Variants in EPRS1 observed in about 807,000 individuals in gnomAD.
EPRS1 encodes glutamyl-prolyl-tRNA synthetase 1, also known as bifunctional glutamate/proline--tRNA ligase.
EPRS1 carries 107 observed loss-of-function variants against 188.3 expected under a neutral mutation model. That is an observed-to-expected ratio of 0.57 (90% confidence interval 0.49 to 0.67). EPRS1 has a LOEUF of 0.67. EPRS1 is among the 30% of genes least tolerant of loss of function. The pLI is 0.00. For synonymous variants in EPRS1, 596 were observed against 593.1 expected (o/e 1.00, Z -0.07); for missense variants, 1,577 against 1,802.2 (o/e 0.88, Z 2.26).
At chr1:220,040,850 T>TAAA (rs61548054) in intron 1 of EPRS1, among the ~76,000 whole-genome samples, 1 of 141,042 alleles carries the variant, frequency 7.1e-6, no homozygotes, top group Non-Finnish European at 1.5e-5. Flanking sequence ...AACTGCGTCT[T>TAAA]AAAAAAAAAA....
At chr1:219,993,179 T>A (rs915497419) in intron 18 of EPRS1, among the ~76,000 whole-genome samples, 7 of 135,860 alleles carry the variant, frequency 5.2e-5, no homozygotes, top group Non-Finnish European at 9.6e-5. Context: ...CAGTGAACCA[T>A]GATCAAGCCA....
At chr1:220,019,373 T>C (rs897980787) in intron 10 of EPRS1, among the ~76,000 whole-genome samples, 6 of 152,186 alleles carry the variant, frequency 3.9e-5, no homozygotes, top group African/African-American at 1.4e-4. Context: ...CATGCATTCA[T>C]ACATTTTTAT....
In EPRS1 at chr1:220,013,355, C is replaced by T. The variant is rs145628786; in HGVS notation, c.1495-2299G>A. Among the ~76,000 whole-genome samples the T allele has an allele frequency of 7.2e-3, 1,096 of 152,228 alleles. 13 individuals carry two copies. The highest frequency in any genetic ancestry group is 0.025 in the African/African-American group (1,032 of 41,536). ...GAGAAAACAAGGATCACGGTATTGT[C>T]GAAGGGATATTGAGATAACTAATCA... On this transcript the variant is annotated intron_variant, in intron 12 of 31. Transcript: ENST00000366923.
Position 219,987,369 on chromosome 1 carries a change from C to G in EPRS1, c.2811G>C (p.Gln937His). ...TCAAAGACTTGTACTGTGCCTTTAG[C>G]TGAAGGAGTTCTTGAACAGCTATAT... ...QVDIAVQELL[Q>H]LKAQYKSLIG... The change falls in exon 20 of 32, where the codon CAG (glutamine) becomes CAC (histidine). Residue 937 changes from glutamine to histidine, a missense_variant. Physicochemically the swap from Gln to His is conservative, Grantham distance 24 (BLOSUM62 0). Transcript: ENST00000366923. The G allele has an allele frequency of 6.2e-7, 1 of 1,611,200 alleles. No individual in the cohort carries two copies. The highest frequency in any genetic ancestry group is 1.3e-5 in the African/African-American group (1 of 74,684).
rs78046577 is a variant in EPRS1, at chr1:220,020,222, C to T, written c.1116-1G>A. On this transcript the variant is annotated splice_acceptor_variant, in intron 9 of 31. Transcript: ENST00000366923. LOFTEE classifies it high-confidence loss of function. ...GGCAAAATCATATGTTGGATAAACA[C>T]TAGAAAAAAAGAAAATAAAATAAAC... 3.2e-6 allele frequency: 5 copies of T among 1,585,564 alleles called. No individual in the cohort carries two copies. Among genetic ancestry groups the T allele is most frequent in the East Asian group, 2.2e-5 (1 of 44,686 alleles).
rs1371614504 is a variant in EPRS1, at chr1:220,005,974, T to TA, written c.1950+131dup. On this transcript the variant is annotated intron_variant, in intron 15 of 31. Transcript: ENST00000366923. ...CATGAGCCACCATGCTCGGCCAACT[T>TA]ACATCATTTGATTTAAATAAAATTC... 1.1e-5 allele frequency: 6 copies of TA among 524,886 alleles called. No individual in the cohort carries two copies. The African/African-American group carries it at 1.2e-4, about 10-fold the overall frequency. 32.5% of individuals were successfully genotyped at this position (524,886 alleles called of 1,614,324 possible).
chr1:220,013,201 T>C (rs1003926670), intron 12 of EPRS1, among the ~76,000 whole-genome samples: 1 of 152,190 alleles, frequency 6.6e-6, no homozygotes, highest in Non-Finnish European at 1.5e-5. Context: ...CTAGTGAGGT[T>C]AATGCAAAGT....
At chr1:219,984,626 T>C (rs958061468) in intron 20 of EPRS1, among the ~76,000 whole-genome samples, 1 of 152,166 alleles carries the variant, frequency 6.6e-6, no homozygotes, top group Non-Finnish European at 1.5e-5. Flanking sequence ...TCTCGCTATG[T>C]TGCCCAGGCC....
chr1:220,031,651 TA>T (rs1341243020), intron 5 of EPRS1, among the ~76,000 whole-genome samples: 4 of 152,206 alleles, frequency 2.6e-5, no homozygotes, highest in African/African-American at 9.6e-5. Flanking sequence ...AACACATTCC[TA>T]AAGTGTAAAA....
At chr1:220,001,308 C>A in intron 16 of EPRS1, 53 bp from the exon 17 acceptor site, 1 of 960,168 alleles carries the variant, frequency 1.0e-6, no homozygotes, top group Non-Finnish European at 1.7e-6. Flanking sequence ...ATTATCTGAA[C>A]AGCAATAAAC....
chr1:220,015,291 T>TGCCTCTAC (rs112155312), intron 12 of EPRS1, among the ~76,000 whole-genome samples: 26,211 of 151,684 alleles, frequency 0.17, 3,850 homozygotes, highest in East Asian at 0.4. Context: ...GATGAAACCC[T>TGCCTCTAC]GCCTCTACTA....
chr1:219,994,067 G>A (rs1661176539), intron 18 of EPRS1, among the ~76,000 whole-genome samples: 1 of 152,150 alleles, frequency 6.6e-6, no homozygotes, highest in Non-Finnish European at 1.5e-5. Flanking sequence ...GCAGGTCCTT[G>A]AATAACATTG....
At chr1:219,972,328 A>G (rs991544573) in intron 29 of EPRS1, among the ~76,000 whole-genome samples, 181 bp from the exon 30 acceptor site, 12 of 152,120 alleles carry the variant, frequency 7.9e-5, no homozygotes, top group African/African-American at 2.9e-4. Flanking sequence ...TCATTGCACT[A>G]TTGTGAGCCT....
At chr1:219,984,410 A>C (rs145278997) in intron 20 of EPRS1, among the ~76,000 whole-genome samples, 153 bp from the exon 21 acceptor site, 220 of 152,130 alleles carry the variant, frequency 1.4e-3, no homozygotes, top group African/African-American at 4.7e-3. Context: ...TCCCAAGATA[A>C]CGTTGTTGTT....
chr1:220,016,577 A>ATTTT (rs57664248), intron 12 of EPRS1, among the ~76,000 whole-genome samples: 18,235 of 69,440 alleles, frequency 0.26, 2,897 homozygotes, highest in East Asian at 0.47. Flanking sequence ...GGCCTAGCTA[A>ATTTT]TTTTTTTTTT....
chr1:220,037,596 C>A (rs111725397), intron 2 of EPRS1, among the ~76,000 whole-genome samples: 2 of 150,506 alleles, frequency 1.3e-5, no homozygotes, highest in African/African-American at 2.4e-5. Flanking sequence ...CATAAAGAAC[C>A]AAAAATAGAG....
At chr1:219,994,984 T>C (rs1661204618) in intron 18 of EPRS1, among the ~76,000 whole-genome samples, 1 of 152,148 alleles carries the variant, frequency 6.6e-6, no homozygotes, top group Admixed American at 6.5e-5. Flanking sequence ...AATTAGCCTA[T>C]TGTTGTTATG....
intron 10 of EPRS1, 61 bp from the exon 11 acceptor site, chr1:220,019,140 G>A: frequency 4.1e-6 from 4 of 984,096 alleles, no homozygotes; most frequent in Non-Finnish European, 6.5e-6. Context: ...GTGGAGAGTA[G>A]AAGATACTTA....
intron 2 of EPRS1, among the ~76,000 whole-genome samples, chr1:220,035,909 C>T (rs1448813870): frequency 1.3e-5 from 2 of 151,854 alleles, no homozygotes; most frequent in Non-Finnish European, 2.9e-5. Flanking sequence ...CTCATCCAAA[C>T]CCATCACAAG....
Sources: allele counts gnomAD v4.1 joint callset (sites outside exome capture counted in the v4.1 genomes callset), GRCh38; gene constraint gnomAD v4.1.1; transcripts MANE v1.5; gene names NCBI Gene and HGNC (gene_info 2026-07-23, HGNC 2026-07-21).